Variants in UNC5B observed in about 807,000 individuals in gnomAD.
UNC5B encodes the protein unc-5 netrin receptor B.
A neutral mutation model predicts 103.7 loss-of-function variants in UNC5B; 56 were observed. That is an observed-to-expected ratio of 0.54 (90% CI 0.44 to 0.67). UNC5B has a LOEUF of 0.67. UNC5B is among the 30% of genes least tolerant of loss of function. The pLI is 0.00. For synonymous variants in UNC5B, 577 were observed against 542.0 expected (o/e 1.06, Z -0.90); for missense variants, 1,194 against 1,284.5 (o/e 0.93, Z 1.08).
At chr10:71,230,134 G>A (rs1161948763) in intron 1 of UNC5B, among the ~76,000 whole-genome samples, 2 of 152,170 alleles carry the variant, frequency 1.3e-5, no homozygotes, top group East Asian at 1.9e-4. Flanking sequence ...AAGAAAAGAA[G>A]CATTGTAGAC....
chr10:71,274,561 T>C (rs1006417910), intron 1 of UNC5B, among the ~76,000 whole-genome samples: 1 of 152,124 alleles, frequency 6.6e-6, no homozygotes, highest in East Asian at 1.9e-4. Context: ...AGACGTTGGA[T>C]GAGATGGCCC....
At chr10:71,242,732 G>T (rs1843933253) in intron 1 of UNC5B, among the ~76,000 whole-genome samples, 1 of 152,202 alleles carries the variant, frequency 6.6e-6, no homozygotes, top group Non-Finnish European at 1.5e-5. Flanking sequence ...TAGATGATTG[G>T]GTCTGGGCTC....
intron 1 of UNC5B, among the ~76,000 whole-genome samples, chr10:71,271,667 G>A (rs1844648621): frequency 6.6e-6 from 1 of 152,214 alleles, no homozygotes; most frequent in Non-Finnish European, 1.5e-5. Context: ...TCCCAGCACT[G>A]CACCTGCCCT....
At chr10:71,216,591 T>C (rs980033172) in intron 1 of UNC5B, among the ~76,000 whole-genome samples, 2 of 152,196 alleles carry the variant, frequency 1.3e-5, no homozygotes, top group African/African-American at 4.8e-5. Flanking sequence ...CACCCATTTG[T>C]AGAGTTGGGG....
In UNC5B at chr10:71,295,919, C is replaced by A. The variant is rs766963850; in HGVS notation, c.2284C>A (p.Pro762Thr). 6.2e-7 allele frequency: 1 copy of A among 1,613,316 alleles called. No individual in the cohort carries two copies. The highest frequency in any genetic ancestry group is 1.1e-5 in the South Asian group (1 of 91,044). Residue 762 changes from proline to threonine, a missense_variant, in exon 14 of 17, where the codon CCC becomes ACC. Pro to Thr is a conservative substitution (Grantham distance 38). Transcript: ENST00000335350. ...HNLRLSLHDL[P>T]HAHWRSKLLA... Reference sequence around the variant, plus strand: ...CCTGCGCCTCTCCCTCCATGACCTCCCCCATGCCCATTGGAGGAGCAAGCT... The same window carrying A: ...CCTGCGCCTCTCCCTCCATGACCTCACCCATGCCCATTGGAGGAGCAAGCT...
At chr10:71,284,592 AGAGGAATG>A in intron 2 of UNC5B, 120 bp from the exon 3 acceptor site, 1 of 1,362,172 alleles carries the variant, frequency 7.3e-7, no homozygotes, top group Non-Finnish European at 1.0e-6. Context: ...ACAGGAGACA[AGAGGAATG>A]GAGGGAAAGG....
At chr10:71,272,215 C>T (rs1844662864) in intron 1 of UNC5B, among the ~76,000 whole-genome samples, 1 of 152,196 alleles carries the variant, frequency 6.6e-6, no homozygotes, top group South Asian at 2.1e-4. Context: ...TGTCCAGGGG[C>T]TAGAGAAAGA....
chr10:71,286,693 A>C lies in UNC5B; in HGVS notation c.557A>C (p.Glu186Ala), dbSNP rs572333537. Reference protein sequence around the residue: ...PPEGVPVAEVEWLKNEDVIDP... With the variant: ...PPEGVPVAEVAWLKNEDVIDP... ...CCCTCACCCCCACTCTTGCAGGTGG[A>C]ATGGCTCAAGAATGAGGATGTCATC... Residue 186 changes from glutamate to alanine, a missense_variant, in exon 5 of 17, where the codon GAA becomes GCA. Coordinates refer to ENST00000335350, the MANE Select transcript of UNC5B (RefSeq NM_170744.5). The C allele has an allele frequency of 8.1e-6, 13 of 1,614,096 alleles. No homozygotes were observed. The Admixed American group carries it at 8.3e-5, about 10-fold the overall frequency.
intron 1 of UNC5B, among the ~76,000 whole-genome samples, chr10:71,245,854 G>T (rs1844020054): frequency 6.6e-6 from 1 of 152,186 alleles, no homozygotes; most frequent in African/African-American, 2.4e-5. Flanking sequence ...CCTGCCTCCT[G>T]TGAAAATAGA....
At chr10:71,265,628 T>C (rs1459935029) in intron 1 of UNC5B, among the ~76,000 whole-genome samples, 2 of 152,212 alleles carry the variant, frequency 1.3e-5, no homozygotes, top group African/African-American at 2.4e-5. Flanking sequence ...GTCTTTGCTC[T>C]CTTCCCCTCC....
chr10:71,213,763 T>TGTGTGTGTGTGTG lies in UNC5B; in HGVS notation c.79+700_79+701insTGTGTGTGTGTGG, dbSNP rs1843279936. The stretch of plus-strand genomic sequence containing the variant: ...TGTGTGTGTGTGTGTGTGTGTGTGT[T>TGTGTGTGTGTGTG]GGATGCGGGTAGGGGTTCTTAGCGA... On this transcript the variant is annotated intron_variant, in intron 1 of 16. Coordinates refer to ENST00000335350, the MANE Select transcript of UNC5B (RefSeq NM_170744.5). The surrounding 1 kb of genome is among the most constrained non-coding windows in gnomAD (Gnocchi z 4.1). 1.1e-5 allele frequency among the ~76,000 whole-genome samples: 1 copy of TGTGTGTGTGTGTG among 89,350 alleles called. No individual in the cohort carries two copies. Among genetic ancestry groups the TGTGTGTGTGTGTG allele is most frequent in the African/African-American group, 4.7e-5 (1 of 21,182 alleles). The allele number at this position is 89,350 out of a possible 152,430, so 58.6% of individuals were successfully genotyped here. A position where few individuals can be genotyped will look rare whatever the true frequency, so the allele number is the denominator to read the frequency against.
chr10:71,217,564 C>A (rs1029325342), intron 1 of UNC5B: 2 of 152,212 alleles, frequency 1.3e-5, no homozygotes, highest in Admixed American at 6.5e-5. Context: ...TGCGCCCCCG[C>A]GGGCAGACAA....
chr10:71,220,167 G>C (rs974612686), intron 1 of UNC5B, among the ~76,000 whole-genome samples: 11 of 152,206 alleles, frequency 7.2e-5, no homozygotes, highest in African/African-American at 2.7e-4. Context: ...CTGTGGGCTA[G>C]GACCATGGCA....
At chr10:71,255,908 G>A (rs780125517) in intron 1 of UNC5B, among the ~76,000 whole-genome samples, 3 of 152,204 alleles carry the variant, frequency 2.0e-5, no homozygotes, top group Non-Finnish European at 4.4e-5. Context: ...TAGGCAAGCA[G>A]CTGCCACTGC....
chr10:71,220,317 G>A (rs1433239613), intron 1 of UNC5B, among the ~76,000 whole-genome samples: 6 of 152,168 alleles, frequency 3.9e-5, no homozygotes, highest in Non-Finnish European at 7.3e-5. Flanking sequence ...CCTACTTTCT[G>A]CCCTGCCCCC....
intron 2 of UNC5B, 107 bp from the exon 3 acceptor site, chr10:71,284,613 C>A: frequency 6.6e-7 from 1 of 1,519,828 alleles, no homozygotes; most frequent in Non-Finnish European, 8.9e-7. Context: ...GGGAAAGGCA[C>A]TTGGGCAAGA....
At chr10:71,297,661 T>C (rs1289903446) in intron 15 of UNC5B, among the ~76,000 whole-genome samples, 2 of 152,252 alleles carry the variant, frequency 1.3e-5, no homozygotes, top group Non-Finnish European at 2.9e-5. Flanking sequence ...ACCATGAGGC[T>C]GCATCTGCAT....
chr10:71,241,861 A>G (rs891550917), intron 1 of UNC5B, among the ~76,000 whole-genome samples: 4 of 152,072 alleles, frequency 2.6e-5, no homozygotes, highest in African/African-American at 9.7e-5. Flanking sequence ...AACTTCTAAC[A>G]ATAGAGATAA....
At chr10:71,234,634 C>T (rs1843740700) in intron 1 of UNC5B, among the ~76,000 whole-genome samples, 1 of 152,196 alleles carries the variant, frequency 6.6e-6, no homozygotes, top group African/African-American at 2.4e-5. Context: ...TAGATGGAAT[C>T]CCTGGGGAGA....
Sources: gnomAD v4.1 joint callset for allele counts (sites outside exome capture counted in the v4.1 genomes callset) on GRCh38, gnomAD v4.1.1 for gene constraint, Gnocchi (gnomAD v3.1) non-coding constraint, MANE v1.5 for transcripts, NCBI Gene and HGNC (gene_info 2026-07-23, HGNC 2026-07-21) for gene names.